PTPN2: variants seen among roughly 807,000 people sequenced by gnomAD.
PTPN2 encodes the protein tyrosine-protein phosphatase non-receptor type 2.
In PTPN2, 19 loss-of-function variants were observed where a neutral mutation model predicts 57.3. The observed-to-expected ratio is 0.33, with a 90% confidence interval of 0.23 to 0.49. The LOEUF (loss-of-function observed/expected upper bound fraction) is 0.49. Ranked by LOEUF, PTPN2 falls within the 20% of genes least tolerant of loss-of-function variation. The pLI, the probability that PTPN2 is intolerant of heterozygous loss-of-function variation, is 0.99. For missense variants in PTPN2, 358 were observed against 501.1 expected (o/e 0.71, Z 2.73); for synonymous variants, 153 against 164.9 (o/e 0.93, Z 0.55).
At chr18:12,816,602 C>G (rs2042083484) in intron 6 of PTPN2, among the ~76,000 whole-genome samples, 1 of 152,124 alleles carries the variant, frequency 6.6e-6, no homozygotes, top group South Asian at 2.1e-4. Context: ...TGTATACAGG[C>G]TGGGACTGGG....
intron 7 of PTPN2, among the ~76,000 whole-genome samples, chr18:12,808,547 G>T (rs888570685): frequency 3.3e-5 from 5 of 152,354 alleles, no homozygotes; most frequent in Admixed American, 6.5e-5. Flanking sequence ...TTGGGAGGCT[G>T]AGGCAGGTGG....
chr18:12,846,518 G>A (rs2043212933), intron 2 of PTPN2, among the ~76,000 whole-genome samples: 1 of 152,108 alleles, frequency 6.6e-6, no homozygotes, highest in African/African-American at 2.4e-5. Flanking sequence ...TTGGCCAGTG[G>A]ACTCAGCTTG....
chr18:12,865,604 T>C (rs1036106723), intron 1 of PTPN2, among the ~76,000 whole-genome samples: 3 of 149,958 alleles, frequency 2.0e-5, no homozygotes, highest in African/African-American at 7.4e-5. Context: ...AGCTCAGGAG[T>C]TTGAGACCAG....
At chr18:12,813,579 G>A (rs1490639438) in intron 7 of PTPN2, among the ~76,000 whole-genome samples, 1 of 152,062 alleles carries the variant, frequency 6.6e-6, no homozygotes, top group Non-Finnish European at 1.5e-5. Context: ...AAAGACAGTC[G>A]ATCTTCTTAT....
chr18:12,846,250 C>T (rs2043202038), intron 2 of PTPN2, among the ~76,000 whole-genome samples: 2 of 152,302 alleles, frequency 1.3e-5, no homozygotes, highest in Middle Eastern at 6.8e-3. Context: ...TACTATTCCT[C>T]TTCTTATATT....
intron 1 of PTPN2, among the ~76,000 whole-genome samples, chr18:12,861,111 A>T (rs2043793889): frequency 6.6e-6 from 1 of 152,160 alleles, no homozygotes; most frequent in South Asian, 2.1e-4. Flanking sequence ...AAGTGCTAGG[A>T]TTACAGGTTT....
At chr18:12,866,819 A>G (rs971092649) in intron 1 of PTPN2, among the ~76,000 whole-genome samples, 2 of 152,072 alleles carry the variant, frequency 1.3e-5, no homozygotes, top group African/African-American at 4.8e-5. Flanking sequence ...CCTGGCTAAC[A>G]TGGTGAAACT....
chr18:12,807,866 A>G (rs566218168), intron 7 of PTPN2, among the ~76,000 whole-genome samples: 1 of 152,032 alleles, frequency 6.6e-6, no homozygotes, highest in African/African-American at 2.4e-5. Context: ...GTTTTACTGC[A>G]CAGAATGACT....
chr18:12,826,053 G>C, intron 4 of PTPN2, 109 bp from the exon 5 acceptor site: 1 of 878,484 alleles, frequency 1.1e-6, no homozygotes, highest in Non-Finnish European at 1.7e-6. Flanking sequence ...ATTTTTTCAA[G>C]TACCCAAAAC....
intron 1 of PTPN2, among the ~76,000 whole-genome samples, chr18:12,880,086 T>C (rs766617317): frequency 5.3e-5 from 8 of 152,140 alleles, no homozygotes; most frequent in African/African-American, 9.7e-5. Flanking sequence ...CAGGGGCTCA[T>C]ACCCAGCATG....
intron 1 of PTPN2, among the ~76,000 whole-genome samples, chr18:12,880,071 C>T (rs972452680): frequency 1.3e-5 from 2 of 152,140 alleles, no homozygotes; most frequent in Non-Finnish European, 2.9e-5. Flanking sequence ...TAAAGAAGTA[C>T]GCAACAGGGG....
intron 4 of PTPN2, among the ~76,000 whole-genome samples, chr18:12,827,151 G>A (rs1182476410): frequency 6.6e-6 from 1 of 151,570 alleles, no homozygotes; most frequent in East Asian, 2.0e-4. Flanking sequence ...AGACCATCCT[G>A]GCTAACACAG....
At chr18:12,803,914 C>T (rs575531252) in intron 7 of PTPN2, among the ~76,000 whole-genome samples, 1 of 152,184 alleles carries the variant, frequency 6.6e-6, no homozygotes, top group Admixed American at 6.5e-5. Flanking sequence ...CTCCAACAGC[C>T]ACAGAATACA....
At chr18:12,870,226 G>C (rs2044140654) in intron 1 of PTPN2, among the ~76,000 whole-genome samples, 1 of 142,128 alleles carries the variant, frequency 7.0e-6, no homozygotes, top group South Asian at 2.2e-4. Context: ...TTAGGTAGCA[G>C]ATACAGATAG....
At chr18:12,788,246 T>C (rs2040891241), downstream of PTPN2, 1 of 153,022 alleles carries the variant, frequency 6.5e-6, no homozygotes, top group African/African-American at 2.4e-5. Flanking sequence ...GTGCAATTCT[T>C]GGAGCTCCTC....
intron 1 of PTPN2, among the ~76,000 whole-genome samples, chr18:12,865,294 G>A (rs1277916156): frequency 6.6e-6 from 1 of 151,948 alleles, no homozygotes; most frequent in East Asian, 1.9e-4. Flanking sequence ...AATTAGCAAG[G>A]CATGGTGGTA....
At chr18:12,788,914 T>A (rs924540123), downstream of PTPN2, among the ~76,000 whole-genome samples, 2 of 152,148 alleles carry the variant, frequency 1.3e-5, no homozygotes, top group Non-Finnish European at 2.9e-5. Context: ...ACCAAACTCA[T>A]ACTATTTTCC....
At chr18:12,796,494 GT>G (rs1307196036) in intron 8 of PTPN2, among the ~76,000 whole-genome samples, 1 of 152,040 alleles carries the variant, frequency 6.6e-6, no homozygotes. Flanking sequence ...CACTTCTTTG[GT>G]GTACTGGAAC....
In PTPN2 at chr18:12,870,447, A is replaced by G. The variant is rs1421949534; in HGVS notation, c.70-11193T>C. The stretch of plus-strand genomic sequence containing the variant: ...TATACGTATATATATATGTGTATAT[A>G]TATATATATATATATAGAGAGAGAG... On this transcript the variant is annotated intron_variant, in intron 1 of 8. Transcript: ENST00000309660. Among the ~76,000 whole-genome samples, 6 of 29,148 alleles carry G rather than the reference A, an allele frequency of 2.1e-4. 1 individual carries two copies. The highest frequency in any genetic ancestry group is 4.0e-3 in the East Asian group (2 of 496). 19.1% of individuals were successfully genotyped at this position (29,148 alleles called of 152,430 possible).
Sources: allele counts gnomAD v4.1 joint callset (sites outside exome capture counted in the v4.1 genomes callset), GRCh38; gene constraint gnomAD v4.1.1; transcripts MANE v1.5; gene names NCBI Gene and HGNC (gene_info 2026-07-23, HGNC 2026-07-21).